CNOT1: variants seen among roughly 807,000 people sequenced by gnomAD.
CNOT1 encodes the protein CCR4-associated factor 1.
In CNOT1, 15 loss-of-function variants were observed where a neutral mutation model predicts 273.8. The observed-to-expected ratio is 0.05, with a 90% CI of 0.04 to 0.08. The LOEUF (loss-of-function observed/expected upper bound fraction) is 0.08, where lower values mean the gene tolerates loss of function less well. CNOT1 is among the 10% of genes least tolerant of loss of function. The probability of loss-of-function intolerance (pLI) is 1.00; values close to 1 mark genes in which losing one functional copy is unlikely to be tolerated. For missense variants in CNOT1, 1,644 were observed against 2,912.2 expected (o/e 0.56, Z 10.02); for synonymous variants, 1,022 against 1,005.5 (o/e 1.02, Z -0.31).
At chr16:58,525,109 C>A (rs1186217441) in intron 46 of CNOT1, 70 bp downstream of exon 46, 8 of 1,437,772 alleles carry the variant, frequency 5.6e-6, no homozygotes, top group Non-Finnish European at 7.8e-6. Context: ...AGCATTTTTA[C>A]ATTTTTGTGA....
chr16:58,560,294 T>A lies in CNOT1; in HGVS notation c.2048A>T (p.Lys683Met), dbSNP rs1393410222. The A allele has an allele frequency of 1.2e-6, 2 of 1,614,214 alleles. No homozygotes were observed. The highest frequency in any genetic ancestry group is 1.7e-6 in the Non-Finnish European group (2 of 1,180,046). Reference protein sequence around the residue: ...MVANCSNVMNKARQPPPGVMP... With the variant: ...MVANCSNVMNMARQPPPGVMP... ...AACTCCAGGTGGTGGTTGTCTGGCC[T>A]TATTCATAACATTACTGCAATTGGC... is the stretch of plus-strand genomic sequence containing the variant. Residue 683 changes from lysine (K) to methionine (M), a missense_variant, in exon 17 of 49, where the codon AAG becomes ATG. By Grantham distance (95) the Lys-to-Met change is moderately conservative. Transcript: ENST00000317147.
chr16:58,537,698 G>A (rs1012974836), intron 38 of CNOT1, among the ~76,000 whole-genome samples, 193 bp downstream of exon 38: 2 of 152,198 alleles, frequency 1.3e-5, no homozygotes, highest in African/African-American at 4.8e-5. Flanking sequence ...GTACTGCTCT[G>A]TGCCAAGAAG....
At chr16:58,527,600 T>C (rs893679902) in intron 44 of CNOT1, among the ~76,000 whole-genome samples, 1 of 152,144 alleles carries the variant, frequency 6.6e-6, no homozygotes, top group African/African-American at 2.4e-5. Flanking sequence ...GTTATTAATA[T>C]AGTTTAAAAT....
intron 22 of CNOT1, 77 bp downstream of exon 22, chr16:58,553,705 C>T (rs1003698815): frequency 2.0e-6 from 3 of 1,503,420 alleles, no homozygotes; most frequent in Middle Eastern, 1.8e-4. Flanking sequence ...ACTATCAAGT[C>T]TACAAAAAAA....
intron 16 of CNOT1, among the ~76,000 whole-genome samples, chr16:58,561,659 T>G (rs1228608522): frequency 1.3e-5 from 2 of 152,182 alleles, no homozygotes; most frequent in Non-Finnish European, 2.9e-5. Flanking sequence ...CTACAAAATC[T>G]AAAACTTTTT....
intron 29 of CNOT1, among the ~76,000 whole-genome samples, chr16:58,545,794 T>C (rs1051186314): frequency 3.9e-5 from 6 of 152,210 alleles, no homozygotes; most frequent in Non-Finnish European, 5.9e-5. Flanking sequence ...TATAAATGTA[T>C]GTTTTCAACC....
rs114801916 is a variant in CNOT1, at chr16:58,603,945, C to T, written c.-174-4434G>A. Among the ~76,000 whole-genome samples the T allele has an allele frequency of 3.3e-3, 501 of 152,298 alleles. 3 individuals are homozygous for T. Among genetic ancestry groups the T allele is most frequent in the African/African-American group, 0.011 (469 of 41,560 alleles). Reference sequence around the variant, plus strand: ...AACAAACAAGTAATTGTTTACTCTGCACCAATTTATTATACATACTTCATG... The same window carrying T: ...AACAAACAAGTAATTGTTTACTCTGTACCAATTTATTATACATACTTCATG... On this transcript the variant is annotated intron_variant, in intron 1 of 48. Transcript: ENST00000317147.
At chr16:58,524,433 C>T (rs982061109) in intron 46 of CNOT1, among the ~76,000 whole-genome samples, 26 of 151,930 alleles carry the variant, frequency 1.7e-4, no homozygotes, top group African/African-American at 5.1e-4. Flanking sequence ...CACAGTGACA[C>T]GTTTCTCTAA....
chr16:58,551,122 G>C lies in CNOT1; in HGVS notation c.3342+10C>G, dbSNP rs551860840. ...AAGAAGGCATTTATAAACTATGACA[G>C]CATGCTCACCTTTTGTGTCATATTT... is the stretch of plus-strand genomic sequence containing the variant. On this transcript the variant is annotated intron_variant, in intron 24 of 48. Transcript: ENST00000317147. 4.2e-5 allele frequency: 67 copies of C among 1,606,612 alleles called. 1 individual carries two copies. The South Asian group carries it at 7.3e-4, about 18-fold the overall frequency.
chr16:58,614,106 AG>A lies in CNOT1; in HGVS notation c.-174-14596del, dbSNP rs368350567. 3.0e-4 allele frequency among the ~76,000 whole-genome samples: 36 copies of A among 118,660 alleles called. 8 individuals are homozygous for A. The highest frequency in any genetic ancestry group is 4.8e-4 in the African/African-American group (17 of 35,226). The allele number at this position is 118,660 out of a possible 152,430, so 77.8% of individuals were successfully genotyped here. On this transcript the variant is annotated intron_variant, in intron 1 of 48. Coordinates refer to ENST00000317147, the MANE Select transcript of CNOT1 (RefSeq NM_016284.5). ...GACACTGTCTCAAAAAAAAAAAAAA[AG>A]AAAAGAAAATTACTCTCAAAACCAA...
intron 22 of CNOT1, 144 bp downstream of exon 22, chr16:58,553,638 C>T: frequency 9.6e-7 from 1 of 1,036,658 alleles, no homozygotes; most frequent in Admixed American, 4.0e-5. Context: ...TGAGCAACCT[C>T]AACAAAAGAT....
chr16:58,540,633 G>T (rs901727974), intron 34 of CNOT1, among the ~76,000 whole-genome samples: 2 of 152,164 alleles, frequency 1.3e-5, no homozygotes, highest in Non-Finnish European at 2.9e-5. Flanking sequence ...TGGGATACAT[G>T]GTGAAACTCG....
At chr16:58,627,402 T>TAAA (rs1567455087) in intron 1 of CNOT1, among the ~76,000 whole-genome samples, 1 of 4,480 alleles carries the variant, frequency 2.2e-4, no homozygotes. Flanking sequence ...AGACTCCATC[T>TAAA]CAAAAAAAAA....
In CNOT1 at chr16:58,614,907, A is replaced by C. The variant is rs1379298933; in HGVS notation, c.-175+14821T>G. ...CTTTTATTAGAGACAGGGTTTCACC[A>C]TGTTGGCCAGGCTGGTCTTGGAACG... On this transcript the variant is annotated intron_variant, in intron 1 of 48. Transcript: ENST00000317147. 6.6e-5 allele frequency among the ~76,000 whole-genome samples: 8 copies of C among 121,590 alleles called. 2 individuals carry two copies. Among genetic ancestry groups the C allele is most frequent in the African/African-American group, 2.2e-4 (8 of 35,868 alleles). 79.8% of individuals were successfully genotyped at this position (121,590 alleles called of 152,430 possible).
In CNOT1 at chr16:58,523,474, T is replaced by G; in HGVS notation, c.6813A>C (p.Ala2271=). 1 of 1,614,076 alleles carries G rather than the reference T, an allele frequency of 6.2e-7. No homozygotes were observed. The highest frequency in any genetic ancestry group is 8.5e-7 in the Non-Finnish European group (1 of 1,179,952). Reference sequence around the variant, plus strand: ...GGCTATTTGGGTACCGGAGCTGATTTGCAATTGCATTCAAAAAGAGATAGC... The same window carrying G: ...GGCTATTTGGGTACCGGAGCTGATTGGCAATTGCATTCAAAAAGAGATAGC... The part of the protein sequence containing the change: ...EGRYLFLNAI[A]NQLRYPNSHT... The change falls in exon 47 of 49, where the codon GCA becomes GCC. Residue 2271 remains alanine, a synonymous_variant. Coordinates refer to ENST00000317147, the MANE Select transcript of CNOT1 (RefSeq NM_016284.5).
chr16:58,522,757 C>T lies in CNOT1; in HGVS notation c.6917+613G>A, dbSNP rs370592655. Among the ~76,000 whole-genome samples, 7 of 152,196 alleles carry T rather than the reference C, an allele frequency of 4.6e-5. No homozygotes were observed. In the East Asian group the frequency reaches 1.2e-3, roughly 25 times the overall value. ...CATGATTTAGGACTGGTTATCACCACCACCTCAGAGAAACTCCTGACCTTT... is the reference window on the plus strand; with the variant it reads ...CATGATTTAGGACTGGTTATCACCATCACCTCAGAGAAACTCCTGACCTTT... On this transcript the variant is annotated intron_variant, in intron 47 of 48. Transcript: ENST00000317147.
At position 58,548,678 on chromosome 16, in the gene CNOT1, C is replaced by G. The variant is rs184259802; in HGVS notation, c.3523-996G>C. On this transcript the variant is annotated intron_variant, in intron 25 of 48. Transcript: ENST00000317147. ...CAAGTTATTGAGCAAAGAATGACCA[C>G]AGCTGTATGCTGGTTCTAGAAGTTT... The G allele has an allele frequency of 1.0e-3, 498 of 482,796 alleles. 4 individuals carry two copies. Among genetic ancestry groups the G allele is most frequent in the Non-Finnish European group, 4.0e-4 (98 of 244,822 alleles). 29.9% of individuals were successfully genotyped at this position (482,796 alleles called of 1,614,324 possible).
chr16:58,554,935 C>CAAAAAAAAAAA (rs56180546), intron 21 of CNOT1, among the ~76,000 whole-genome samples: 2,302 of 78,588 alleles, frequency 0.029, 280 homozygotes, highest in Middle Eastern at 0.053. Context: ...GACTCCATCT[C>CAAAAAAAAAAA]AAAAAAAAAA....
At chr16:58,532,563 C>CT in intron 40 of CNOT1, 168 bp from the exon 41 acceptor site, 1 of 1,177,816 alleles carries the variant, frequency 8.5e-7, no homozygotes, top group Non-Finnish European at 1.1e-6. Context: ...ATAAATTGGT[C>CT]TGACTCCGCC....
Sources: allele counts gnomAD v4.1 joint callset (sites outside exome capture counted in the v4.1 genomes callset), GRCh38; gene constraint gnomAD v4.1.1; transcripts MANE v1.5; gene names NCBI Gene and HGNC (gene_info 2026-07-23, HGNC 2026-07-21).